UGT1A8: variants seen among roughly 807,000 people sequenced by gnomAD.
The protein encoded by UGT1A8 is UDP glucuronosyltransferase family 1 member A8, also known as UDP-glucuronosyltransferase 1A8.
Under a neutral mutation model 45.3 loss-of-function variants are expected in UGT1A8, and 39 were observed. The ratio of observed to expected loss-of-function variants is 0.86; its 90% CI spans 0.67 to 1.12. UGT1A8 has a LOEUF of 1.12. Among genes scored for constraint, UGT1A8 ranks in the 50% most tolerant of loss-of-function variants. UGT1A8 has a pLI of 0.00. For synonymous variants in UGT1A8, 275 were observed against 249.2 expected (o/e 1.10, Z -0.97); for missense variants, 719 against 664.9 (o/e 1.08, Z -0.90).
intron 1 of UGT1A8, among the ~76,000 whole-genome samples, chr2:233,754,013 A>G (rs1002247904): frequency 2.0e-5 from 3 of 152,240 alleles, no homozygotes; most frequent in African/African-American, 7.2e-5. Flanking sequence ...TGTTACAGCC[A>G]TGATAGGAAA....
intron 1 of UGT1A8, among the ~76,000 whole-genome samples, chr2:233,620,970 G>A (rs905523092): frequency 7.2e-5 from 11 of 152,178 alleles, no homozygotes; most frequent in African/African-American, 2.7e-4. Flanking sequence ...GCACATGTAT[G>A]TGTTTGTGTA....
chr2:233,747,319 AT>A, intron 1 of UGT1A8: 1 of 1,603,764 alleles, frequency 6.2e-7, no homozygotes, highest in Non-Finnish European at 8.5e-7. Flanking sequence ...GGTGGTACCC[AT>A]TGATGGCAGC....
intron 1 of UGT1A8, chr2:233,648,322 C>T (rs1234126031): frequency 2.7e-5 from 14 of 522,226 alleles, no homozygotes; most frequent in Non-Finnish European, 4.3e-5. Context: ...TTTCTCCCTC[C>T]TCTCGGTGGT....
chr2:233,680,735 A>G (rs1209130572), intron 1 of UGT1A8, among the ~76,000 whole-genome samples: 1 of 152,162 alleles, frequency 6.6e-6, no homozygotes, highest in Non-Finnish European at 1.5e-5. Flanking sequence ...GCTCGGTAGA[A>G]TGGAGGAAAC....
intron 1 of UGT1A8, among the ~76,000 whole-genome samples, chr2:233,631,610 AT>A (rs1230237633): frequency 6.6e-6 from 1 of 151,930 alleles, no homozygotes; most frequent in Non-Finnish European, 1.5e-5. Context: ...TTTTTTTGAT[AT>A]GCTTGTTGGT....
intron 1 of UGT1A8, among the ~76,000 whole-genome samples, chr2:233,673,796 C>T (rs1448709980): frequency 6.6e-6 from 1 of 152,062 alleles, no homozygotes; most frequent in Non-Finnish European, 1.5e-5. Context: ...TTGTATCCAG[C>T]CACATTACTA....
chr2:233,745,916 A>G (rs1693246629), intron 1 of UGT1A8, among the ~76,000 whole-genome samples: 1 of 151,488 alleles, frequency 6.6e-6, no homozygotes. Flanking sequence ...CAGCTGAGGC[A>G]GTGATTCAGA....
rs376887521 is a variant in UGT1A8, at chr2:233,757,535, A to AATATATATACATATACAT, written c.856-9490_856-9489insCATATACATATATATATA. On this transcript the variant is annotated intron_variant, in intron 1 of 4. Transcript: ENST00000373450. ...CAAAGCCAAAATCTTGCCTGTAAGG[A>AATATATATACATATACAT]ATATATATATATATATATATATATA... 8.8e-4 allele frequency among the ~76,000 whole-genome samples: 78 copies of AATATATATACATATACAT among 88,252 alleles called. 1 individual carries two copies. The highest frequency in any genetic ancestry group is 1.7e-3 in the African/African-American group (33 of 19,924). 57.9% of individuals were successfully genotyped at this position (88,252 alleles called of 152,430 possible). A position where few individuals can be genotyped will look rare whatever the true frequency, so the allele number is the denominator to read the frequency against.
At chr2:233,687,423 G>A (rs569244022) in intron 1 of UGT1A8, among the ~76,000 whole-genome samples, 9 of 151,954 alleles carry the variant, frequency 5.9e-5, no homozygotes, top group Admixed American at 2.0e-4. Context: ...GAGGCTTACC[G>A]TGTACCAGGT....
chr2:233,642,896 C>T (rs1264221149), intron 1 of UGT1A8, among the ~76,000 whole-genome samples: 1 of 152,150 alleles, frequency 6.6e-6, no homozygotes, highest in Non-Finnish European at 1.5e-5. Context: ...CACTCTCTCT[C>T]TCTCTCTCTG....
chr2:233,672,047 G>A (rs767288021), intron 1 of UGT1A8: 1 of 1,614,152 alleles, frequency 6.2e-7, no homozygotes, highest in African/African-American at 1.3e-5. Flanking sequence ...GGGAGCCACT[G>A]GTTCACCATG....
At position 233,617,954 on chromosome 2, in the gene UGT1A8, C is replaced by G; in HGVS notation, c.247C>G (p.Leu83Val). Residue 83 changes from leucine (L) to valine (V), a missense_variant, in exon 1 of 5, where the codon CTG becomes GTG. By Grantham distance (32) the Leu-to-Val change is conservative. Coordinates refer to ENST00000373450, the MANE Select transcript of UGT1A8 (RefSeq NM_019076.5). ...TVKTYSTSYT[L>V]EDLDREFMDF... ...GAAGACTTACTCAACCTCATACACTCTGGAGGATCTGGACCGGGAATTCAT... is the reference window on the plus strand; with the variant it reads ...GAAGACTTACTCAACCTCATACACTGTGGAGGATCTGGACCGGGAATTCAT... 2.5e-6 allele frequency: 4 copies of G among 1,614,220 alleles called. No homozygotes were observed. The highest frequency in any genetic ancestry group is 2.5e-6 in the Non-Finnish European group (3 of 1,180,036).
At chr2:233,634,367 G>A (rs2073240991) in intron 1 of UGT1A8, among the ~76,000 whole-genome samples, 1 of 152,066 alleles carries the variant, frequency 6.6e-6, no homozygotes, top group Admixed American at 6.6e-5. Flanking sequence ...ATTTCCTTGT[G>A]AATTTTCTGT....
intron 1 of UGT1A8, chr2:233,682,550 G>A (rs1257195074): frequency 6.2e-7 from 1 of 1,613,926 alleles, no homozygotes; most frequent in East Asian, 2.2e-5. Context: ...GACTTTCAAG[G>A]AGAGAGTATG....
intron 1 of UGT1A8, chr2:233,719,224 A>C: frequency 1.2e-6 from 2 of 1,614,188 alleles, no homozygotes; most frequent in Non-Finnish European, 1.7e-6. Context: ...CTGCATAATG[A>C]GGCCCTGATC....
chr2:233,762,263 T>A (rs1459310284), intron 1 of UGT1A8, among the ~76,000 whole-genome samples: 1 of 152,194 alleles, frequency 6.6e-6, no homozygotes, highest in Non-Finnish European at 1.5e-5. Context: ...CGAATATGTG[T>A]TACATTAATG....
intron 1 of UGT1A8, among the ~76,000 whole-genome samples, chr2:233,644,970 AG>A (rs2073559873): frequency 6.6e-6 from 1 of 152,136 alleles, no homozygotes; most frequent in African/African-American, 2.4e-5. Flanking sequence ...TGAGTTCTAA[AG>A]GTTCTTATGA....
At chr2:233,712,844 G>A (rs2076257944) in intron 1 of UGT1A8, 2 of 1,520,210 alleles carry the variant, frequency 1.3e-6, no homozygotes, top group Non-Finnish European at 1.8e-6. Flanking sequence ...TAGATTAACG[G>A]GTAATAAGTA....
chr2:233,678,481 T>G (rs2074418291), intron 1 of UGT1A8, among the ~76,000 whole-genome samples: 1 of 152,174 alleles, frequency 6.6e-6, no homozygotes, highest in Admixed American at 6.5e-5. Flanking sequence ...GCAGGTGCAC[T>G]TGGTGTAACC....
Sources: gnomAD v4.1 joint callset for allele counts (sites outside exome capture counted in the v4.1 genomes callset) on GRCh38, gnomAD v4.1.1 for gene constraint, MANE v1.5 for transcripts, NCBI Gene and HGNC (gene_info 2026-07-23, HGNC 2026-07-21) for gene names.